L3MBTL1: variants seen among roughly 807,000 people sequenced by gnomAD.
The protein encoded by L3MBTL1 is lethal(3)malignant brain tumor-like protein 1.
L3MBTL1 carries 75 observed loss-of-function variants against 105.3 expected under a neutral mutation model. That is an observed-to-expected ratio of 0.71 (90% CI 0.59 to 0.86). The LOEUF (loss-of-function observed/expected upper bound fraction) is 0.86. L3MBTL1 is among the 40% of genes least tolerant of loss of function. The pLI, the probability that L3MBTL1 is intolerant of heterozygous loss-of-function variation, is 0.00. For synonymous variants in L3MBTL1, 452 were observed against 436.2 expected, an observed-to-expected ratio of 1.04 and a Z score of -0.45; for missense variants, 1,069 against 1,126.4, an observed-to-expected ratio of 0.95 and a Z score of 0.73.
At chr20:43,527,344 C>T (rs6030941) in intron 7 of L3MBTL1, among the ~76,000 whole-genome samples, 57,698 of 152,014 alleles carry the variant, frequency 0.38, 11,476 homozygotes, top group African/African-American at 0.5. Context: ...TAGCCTTCGA[C>T]TGGAGGCAGC....
At chr20:43,545,664 C>T (rs369115653), downstream of L3MBTL1, among the ~76,000 whole-genome samples, 15 of 152,156 alleles carry the variant, frequency 9.9e-5, no homozygotes, top group East Asian at 7.7e-4. Context: ...CCTGAGAAGC[C>T]GCTTTTCACT....
rs1206238810 is a variant in L3MBTL1, at chr20:43,512,566, C to T, written c.-28-910C>T. Among the ~76,000 whole-genome samples, 5 of 152,138 alleles carry T rather than the reference C, an allele frequency of 3.3e-5. No individual in the cohort carries two copies. In the South Asian group the frequency reaches 6.2e-4, roughly 19 times the overall value. Reference sequence around the variant, plus strand: ...AAATAAAATAAAAAATTCAGTTCCTCAGTCATAGTAGCCCATTTCAAGTGC... The same window carrying T: ...AAATAAAATAAAAAATTCAGTTCCTTAGTCATAGTAGCCCATTTCAAGTGC... On this transcript the variant is annotated intron_variant, in intron 1 of 21. Coordinates refer to ENST00000418998, the MANE Select transcript of L3MBTL1 (RefSeq NM_001377303.1).
At position 43,514,033 on chromosome 20, in the gene L3MBTL1, C is replaced by T. The variant is rs973711456; in HGVS notation, c.332C>T (p.Ala111Val). The T allele has an allele frequency of 3.6e-5, 55 of 1,536,128 alleles. No homozygotes were observed. Among genetic ancestry groups the T allele is most frequent in the Non-Finnish European group, 4.4e-5 (51 of 1,146,530 alleles). ...TVRLLEWTEA[A>V]APPPGGGLRF... The stretch of plus-strand genomic sequence containing the variant: ...CGGCTTCTGGAATGGACAGAGGCCG[C>T]GGCCCCGCCCCCAGGGGGCGGCCTG... The change falls in exon 3 of 22, where the codon GCG becomes GTG. Residue 111 changes from alanine (A) to valine (V), a missense_variant. Ala to Val is a moderately conservative substitution (Grantham distance 64). Coordinates refer to ENST00000418998, the MANE Select transcript of L3MBTL1 (RefSeq NM_001377303.1).
At chr20:43,533,668 G>A (rs1047000942) in intron 13 of L3MBTL1, among the ~76,000 whole-genome samples, 4 of 147,980 alleles carry the variant, frequency 2.7e-5, no homozygotes, top group Non-Finnish European at 4.6e-5. Flanking sequence ...AAGGAAACAG[G>A]GAATCAGAAG....
Position 43,536,085 on chromosome 20 carries a change from C to T in L3MBTL1, c.1926-12C>T. The T allele has an allele frequency of 6.2e-7, 1 of 1,612,536 alleles. No individual in the cohort carries two copies. ...AGTGGATTAAACCCAACTGAAGTCT[C>T]TTCTTCCCCAGGAAGTGCCCCACTC... is the stretch of plus-strand genomic sequence containing the variant. On this transcript the variant is annotated splice_polypyrimidine_tract_variant and intron_variant, in intron 17 of 21. Coordinates refer to ENST00000418998, the MANE Select transcript of L3MBTL1 (RefSeq NM_001377303.1).
chr20:43,540,881 G>A, intron 21 of L3MBTL1, 53 bp from the exon 22 acceptor site: 7 of 1,612,514 alleles, frequency 4.3e-6, no homozygotes, highest in African/African-American at 1.3e-5. Context: ...CAGGAAGCAG[G>A]TGCCCTCCCC....
rs1022540827 is a variant in L3MBTL1, at chr20:43,531,037, A to G, written c.1284+148A>G. The G allele has an allele frequency of 1.2e-5, 8 of 681,886 alleles. No homozygotes were observed. In the African/African-American group the frequency reaches 1.3e-4, roughly 11 times the overall value. 42.2% of individuals were successfully genotyped at this position (681,886 alleles called of 1,614,324 possible). A position where few individuals can be genotyped will look rare whatever the true frequency, so the allele number is the denominator to read the frequency against. ...CTCTCATATCAGATGGGAGGGGTAC[A>G]GCTGGGCAGGGTCCAGGGCCAGAGA... On this transcript the variant is annotated intron_variant, in intron 11 of 21. Coordinates refer to ENST00000418998, the MANE Select transcript of L3MBTL1 (RefSeq NM_001377303.1).
At chr20:43,513,437 C>A in intron 1 of L3MBTL1, 39 bp from the exon 2 acceptor site, 1 of 1,522,928 alleles carries the variant, frequency 6.6e-7, no homozygotes, top group Non-Finnish European at 8.8e-7. Flanking sequence ...TAACAAAGGT[C>A]CCCACCTGAT....
Position 43,531,055 on chromosome 20 carries a change from G to A in L3MBTL1, c.1284+166G>A, listed in dbSNP as rs866833726. On this transcript the variant is annotated intron_variant, in intron 11 of 21. Coordinates refer to ENST00000418998, the MANE Select transcript of L3MBTL1 (RefSeq NM_001377303.1). ...GGGGTACAGCTGGGCAGGGTCCAGG[G>A]CCAGAGATGGGAAGCTGGTTATAGG... 36 of 620,430 alleles carry A rather than the reference G, an allele frequency of 5.8e-5. No individual in the cohort carries two copies. The South Asian group carries it at 6.9e-4, about 12-fold the overall frequency. 38.4% of individuals were successfully genotyped at this position (620,430 alleles called of 1,614,324 possible). A position where few individuals can be genotyped will look rare whatever the true frequency, so the allele number is the denominator to read the frequency against.
chr20:43,512,620 G>A (rs1012046416), intron 1 of L3MBTL1, among the ~76,000 whole-genome samples: 5 of 152,184 alleles, frequency 3.3e-5, no homozygotes, highest in Admixed American at 6.5e-5. Context: ...TAGTGGCTAC[G>A]GTGTTGGACA....
intron 11 of L3MBTL1, 135 bp from the exon 12 acceptor site, chr20:43,532,638 G>C: frequency 2.1e-6 from 2 of 972,084 alleles, no homozygotes; most frequent in South Asian, 1.6e-5. Context: ...CTCTTTCCCA[G>C]CTTATTTCTC....
In L3MBTL1 at chr20:43,540,139, T is replaced by A. The variant is rs1323340612; in HGVS notation, c.2174-12T>A. On this transcript the variant is annotated splice_polypyrimidine_tract_variant and intron_variant, in intron 19 of 21. Transcript: ENST00000418998. ...CCTCGTTGGCCTGCCAGCCTCTGCC[T>A]CTGCTTTCCAGCCCTCACGCCCGAT... is the stretch of plus-strand genomic sequence containing the variant. The A allele has an allele frequency of 6.2e-7, 1 of 1,610,262 alleles. No homozygotes were observed. The highest frequency in any genetic ancestry group is 1.6e-4 in the Middle Eastern group (1 of 6,062).
Position 43,515,022 on chromosome 20 carries a change from G to A in L3MBTL1, c.516G>A (p.Gln172=), listed in dbSNP as rs2018306511. The A allele has an allele frequency of 6.2e-7, 1 of 1,613,836 alleles. No homozygotes were observed. Among genetic ancestry groups the A allele is most frequent in the African/African-American group, 1.3e-5 (1 of 74,914 alleles). The change falls in exon 5 of 22, where the codon CAG becomes CAA. Residue 172 remains glutamine (Q), a synonymous_variant. Coordinates refer to ENST00000418998, the MANE Select transcript of L3MBTL1 (RefSeq NM_001377303.1). ...AGPQQAEDHP[Q]NPPEDPNQDP... The stretch of plus-strand genomic sequence containing the variant: ...TGGCCCCCGCAGAGGACCACCCCCA[G>A]AATCCTCCAGAAGATCCCAATCAGG...
At chr20:43,548,504 G>A (rs930180375) in exon 19 of L3MBTL1, 1 of 218,062 alleles carries the variant, frequency 4.6e-6, no homozygotes, top group Non-Finnish European at 8.9e-6. Context: ...CATGGAGTCA[G>A]TTGGACTGTG....
At chr20:43,530,718 T>G in intron 10 of L3MBTL1, 80 bp from the exon 11 acceptor site, 1 of 1,333,052 alleles carries the variant, frequency 7.5e-7, no homozygotes, top group South Asian at 1.2e-5. Context: ...CATGCCTGAT[T>G]CTGCTGCTTC....
rs369631657 is a variant in L3MBTL1, at chr20:43,541,173, G to A, written c.*45G>A. The stretch of plus-strand genomic sequence containing the variant: ...TAATCCAATATAGTTGATAATTAAA[G>A]TGTATTTTGAATGACACAGATATTG... On this transcript the variant is annotated 3_prime_UTR_variant, in exon 22 of 22. Transcript: ENST00000418998. 7 of 1,589,128 alleles carry A rather than the reference G, an allele frequency of 4.4e-6. No homozygotes were observed. In the African/African-American group the frequency reaches 6.7e-5, roughly 15 times the overall value.
intron 18 of L3MBTL1, among the ~76,000 whole-genome samples, chr20:43,547,310 T>G (rs11908514): frequency 0.012 from 1,885 of 152,200 alleles, 54 homozygotes; most frequent in African/African-American, 0.043. Flanking sequence ...TTCACTGTGT[T>G]AGCCAGGATG....
At chr20:43,534,567 C>T in intron 15 of L3MBTL1, 173 bp downstream of exon 15, 2 of 626,024 alleles carry the variant, frequency 3.2e-6, no homozygotes, top group Non-Finnish European at 2.8e-6. Context: ...GTCATTTTCC[C>T]TCTCTAAGCC....
At chr20:43,529,505 T>C (rs1568924280) in intron 9 of L3MBTL1, 137 bp downstream of exon 9, 1 of 679,376 alleles carries the variant, frequency 1.5e-6, no homozygotes, top group Non-Finnish European at 2.6e-6. Flanking sequence ...CTGGAATACA[T>C]AGAAAGCTTA....
Sources: allele counts gnomAD v4.1 joint callset (sites outside exome capture counted in the v4.1 genomes callset), GRCh38; gene constraint gnomAD v4.1.1; transcripts MANE v1.5; gene names NCBI Gene and HGNC (gene_info 2026-07-23, HGNC 2026-07-21).